ANO2: variants seen among roughly 807,000 people sequenced by gnomAD.
ANO2 encodes anoctamin 2.
A neutral mutation model predicts 124.2 loss-of-function variants in ANO2; 101 were observed. That is an observed-to-expected ratio of 0.81 (90% CI 0.69 to 0.96). ANO2 has a LOEUF of 0.96. Ranked by LOEUF, ANO2 falls within the 40% of genes least tolerant of loss-of-function variation. The pLI is 0.00. For synonymous variants in ANO2, 486 were observed against 482.5 expected, an observed-to-expected ratio of 1.01 and a Z score of -0.09; for missense variants, 1,293 against 1,274.5, an observed-to-expected ratio of 1.01 and a Z score of -0.22.
intron 14 of ANO2, among the ~76,000 whole-genome samples, chr12:5,661,648 T>C (rs547400079): frequency 1.5e-4 from 23 of 152,202 alleles, no homozygotes; most frequent in Admixed American, 3.9e-4. Flanking sequence ...GGATGGGACA[T>C]GAGGGCGATG....
chr12:5,607,422 A>AC (rs1034718419), intron 19 of ANO2, among the ~76,000 whole-genome samples: 26 of 138,392 alleles, frequency 1.9e-4, no homozygotes, highest in Non-Finnish European at 3.7e-4. Flanking sequence ...TAACGTAAAA[A>AC]CCTTTTTTTT....
chr12:5,877,446 T>C (rs1486331538), intron 3 of ANO2, among the ~76,000 whole-genome samples: 1 of 152,166 alleles, frequency 6.6e-6, no homozygotes, highest in African/African-American at 2.4e-5. Flanking sequence ...TTAAGAGAGT[T>C]AGCAACTTAG....
At chr12:5,720,194 AT>A (rs1950169783) in intron 14 of ANO2, among the ~76,000 whole-genome samples, 1 of 152,140 alleles carries the variant, frequency 6.6e-6, no homozygotes. Context: ...CTGGGCAATG[AT>A]TGTCAGAAGC....
chr12:5,756,578 C>A (rs897823773), intron 10 of ANO2, among the ~76,000 whole-genome samples: 1 of 152,206 alleles, frequency 6.6e-6, no homozygotes, highest in Non-Finnish European at 1.5e-5. Context: ...GCAGTGCCTG[C>A]GGGCAGACTT....
chr12:5,757,964 T>C (rs1474554223), intron 10 of ANO2, among the ~76,000 whole-genome samples: 1 of 152,164 alleles, frequency 6.6e-6, no homozygotes, highest in African/African-American at 2.4e-5. Flanking sequence ...GTCATTTCCA[T>C]AGACCTCATA....
chr12:5,715,155 C>T (rs1949972200), intron 14 of ANO2, among the ~76,000 whole-genome samples: 1 of 152,034 alleles, frequency 6.6e-6, no homozygotes, highest in Non-Finnish European at 1.5e-5. Flanking sequence ...TGTTCCCTTT[C>T]TCGGAAGTCA....
chr12:5,719,926 G>C (rs985837748), intron 14 of ANO2, among the ~76,000 whole-genome samples: 9 of 152,126 alleles, frequency 5.9e-5, no homozygotes, highest in South Asian at 4.1e-4. Context: ...CACTACTGGA[G>C]AGTCTACCTC....
At chr12:5,807,610 T>C (rs1157572797) in intron 7 of ANO2, among the ~76,000 whole-genome samples, 2 of 152,222 alleles carry the variant, frequency 1.3e-5, no homozygotes, top group African/African-American at 4.8e-5. Context: ...AAAGTTCACA[T>C]TCCTCCTGTC....
chr12:5,660,957 C>A (rs1053027794), intron 14 of ANO2, among the ~76,000 whole-genome samples: 1 of 152,092 alleles, frequency 6.6e-6, no homozygotes, highest in Non-Finnish European at 1.5e-5. Context: ...TGAGGAAAAC[C>A]GAAGGAAAAA....
chr12:5,895,631 A>G (rs1275714069), intron 3 of ANO2, among the ~76,000 whole-genome samples: 1 of 152,166 alleles, frequency 6.6e-6, no homozygotes, highest in Non-Finnish European at 1.5e-5. Flanking sequence ...AAGTCATAAA[A>G]CAATAGATGT....
At chr12:5,793,781 T>G (rs1378980869) in intron 10 of ANO2, among the ~76,000 whole-genome samples, 1 of 152,228 alleles carries the variant, frequency 6.6e-6, no homozygotes, top group Non-Finnish European at 1.5e-5. Context: ...AACACAGTCA[T>G]TAGCTGCTAC....
At chr12:5,607,791 T>A (rs1397109800) in intron 19 of ANO2, among the ~76,000 whole-genome samples, 1 of 152,242 alleles carries the variant, frequency 6.6e-6, no homozygotes, top group Non-Finnish European at 1.5e-5. Flanking sequence ...CAATGCCTGA[T>A]GATCTGTTAC....
intron 15 of ANO2, among the ~76,000 whole-genome samples, chr12:5,638,685 G>A (rs1946171212): frequency 6.6e-6 from 1 of 151,976 alleles, no homozygotes; most frequent in Admixed American, 6.5e-5. Context: ...TGTGCCTTAA[G>A]CCACTTCACA....
In ANO2 at chr12:5,578,396, G is replaced by A. The variant is rs761883684; in HGVS notation, c.2356C>T (p.Arg786Trp). The A allele has an allele frequency of 1.4e-4, 228 of 1,613,834 alleles. No homozygotes were observed. Among genetic ancestry groups the A allele is most frequent in the Admixed American group, 5.0e-4 (30 of 60,006 alleles). The change falls in exon 21 of 25, where the codon CGG becomes TGG. Residue 786 changes from arginine to tryptophan, a missense_variant. Arg to Trp is a moderately radical substitution (Grantham distance 101). Transcript: ENST00000682330. The part of the protein sequence containing the change: ...DAKKFVTELR[R>W]PDAVRTKDIG... ...TCTTTGGTTCTTACAGCATCCGGCC[G>A]TCTCAGCTCTGTAACAAACTTCTTT...
chr12:5,602,391 C>T (rs377107991), intron 19 of ANO2, among the ~76,000 whole-genome samples: 24 of 152,128 alleles, frequency 1.6e-4, no homozygotes, highest in African/African-American at 5.8e-4. Context: ...GCTAGGACTA[C>T]AGGCATGCAC....
intron 14 of ANO2, among the ~76,000 whole-genome samples, chr12:5,728,362 G>C: frequency 6.6e-6 from 1 of 151,948 alleles, no homozygotes; most frequent in Non-Finnish European, 1.5e-5. Flanking sequence ...TACTGGCAGT[G>C]AACAGTCCAA....
At chr12:5,771,862 A>G (rs1407316727) in intron 10 of ANO2, among the ~76,000 whole-genome samples, 1 of 152,234 alleles carries the variant, frequency 6.6e-6, no homozygotes, top group East Asian at 1.9e-4. Context: ...AAAGACAGCG[A>G]TGGTATCTGT....
rs1483208620 is a variant in ANO2, at chr12:5,563,339, C to T, written c.2957G>A (p.Gly986Asp). The T allele has an allele frequency of 1.2e-6, 2 of 1,603,978 alleles. No individual in the cohort carries two copies. Residue 986 changes from glycine to aspartate, a missense_variant, in exon 25 of 25, where the codon GGC becomes GAC. By Grantham distance (94) the Gly-to-Asp change is moderately conservative. Transcript: ENST00000682330. ...SSAPSGQSQL[G>D]SMMSSGSQHT... ...CTGAGAGCCTGACGACATCATGCTG[C>T]CCAGCTGGCTTTGGCCTGAAGGTGC... is the stretch of plus-strand genomic sequence containing the variant.
chr12:5,878,932 T>C lies in ANO2; in HGVS notation c.535-24791A>G, dbSNP rs552167668. Among the ~76,000 whole-genome samples the C allele has an allele frequency of 2.0e-5, 3 of 152,312 alleles. No individual in the cohort carries two copies. The East Asian group carries it at 5.8e-4, about 29-fold the overall frequency. ...AACATTTTATCCTCAAGCAGATTGC[T>C]AATCATGTCCTGCTCAGGCTTAACA... On this transcript the variant is annotated intron_variant, in intron 3 of 24. Coordinates refer to ENST00000682330, the MANE Select transcript of ANO2 (RefSeq NM_001364791.2).
Sources: gnomAD v4.1 joint callset for allele counts (sites outside exome capture counted in the v4.1 genomes callset) on GRCh38, gnomAD v4.1.1 for gene constraint, MANE v1.5 for transcripts, NCBI Gene and HGNC (gene_info 2026-07-23, HGNC 2026-07-21) for gene names.